Variants in BRF1 observed in about 807,000 individuals in gnomAD.
BRF1 encodes the protein BRF1 general transcription factor IIIB subunit, also known as transcription factor IIIB 90 kDa subunit.
BRF1 carries 59 observed loss-of-function variants against 81.7 expected under a neutral mutation model. That is an observed-to-expected ratio of 0.72 (90% CI 0.59 to 0.90). BRF1 has a LOEUF of 0.90. BRF1 is among the 40% of genes least tolerant of loss of function. BRF1 has a pLI of 0.00. For missense variants in BRF1, 1,050 were observed against 936.3 expected (o/e 1.12, Z -1.58); for synonymous variants, 491 against 395.6 (o/e 1.24, Z -2.86).
At position 105,291,641 on chromosome 14, in the gene BRF1, CA is replaced by C. The variant is rs904673012; in HGVS notation, c.185-5266del. Among the ~76,000 whole-genome samples the C allele has an allele frequency of 4.0e-5, 6 of 151,648 alleles. No homozygotes were observed. The South Asian group carries it at 6.2e-4, about 16-fold the overall frequency. ...AGGTTGCAGTGAGCCAAGACTCTGT[CA>C]AAAAAAAATTTTTTTTTAACTGGAG... is the stretch of plus-strand genomic sequence containing the variant. On this transcript the variant is annotated intron_variant, in intron 1 of 17. Transcript: ENST00000547530.
chr14:105,257,394 G>C (rs2055932303), intron 3 of BRF1, among the ~76,000 whole-genome samples: 1 of 152,186 alleles, frequency 6.6e-6, no homozygotes, highest in African/African-American at 2.4e-5. Context: ...CAAGCAATCA[G>C]ATGGTTAGGA....
At chr14:105,310,682 C>A (rs1228774748) in intron 1 of BRF1, among the ~76,000 whole-genome samples, 1 of 152,144 alleles carries the variant, frequency 6.6e-6, no homozygotes, top group South Asian at 2.1e-4. Context: ...AGCCAGATGG[C>A]GCCCGGCTCT....
intron 3 of BRF1, among the ~76,000 whole-genome samples, chr14:105,257,284 C>T (rs891229330): frequency 3.3e-5 from 5 of 152,202 alleles, no homozygotes; most frequent in Admixed American, 3.3e-4. Flanking sequence ...CGAGAAGTCA[C>T]TAAGGACACC....
chr14:105,220,171 C>T (rs765556299), intron 11 of BRF1, 41 bp from the exon 12 acceptor site: 1 of 1,611,706 alleles, frequency 6.2e-7, no homozygotes, highest in Non-Finnish European at 8.5e-7. Context: ...AGGGCCAGCA[C>T]TGATTATAGG....
chr14:105,267,501 G>A (rs1200786123), intron 3 of BRF1, among the ~76,000 whole-genome samples: 2 of 151,598 alleles, frequency 1.3e-5, no homozygotes, highest in African/African-American at 2.4e-5. Context: ...TTGTAGAGAC[G>A]GGGTTTCACC....
chr14:105,210,848 G>A lies in BRF1; in HGVS notation c.1997-260C>T, dbSNP rs10149852. Among the ~76,000 whole-genome samples the A allele has an allele frequency of 0.016, 2,361 of 152,276 alleles. 54 individuals are homozygous for A. Among genetic ancestry groups the A allele is most frequent in the African/African-American group, 0.054 (2,262 of 41,526 alleles). ...CTCAGCCTCCCTCCCTGGGTGTGCA[G>A]GTCCGTGGTGGTGTGCAGATCCGGG... is the stretch of plus-strand genomic sequence containing the variant. On this transcript the variant is annotated intron_variant, in intron 17 of 17. Coordinates refer to ENST00000547530, the MANE Select transcript of BRF1 (RefSeq NM_001519.4). The surrounding 1 kb of genome is among the most constrained non-coding windows in gnomAD (Gnocchi z 4.7).
At chr14:105,229,828 G>A (rs60791034) in intron 6 of BRF1, among the ~76,000 whole-genome samples, 1 of 1,180 alleles carries the variant, frequency 8.5e-4, no homozygotes, top group Admixed American at 7.5e-3. Flanking sequence ...CACTGTCCGC[G>A]TAGTCGCCCA....
chr14:105,273,454 A>T (rs1030690105), intron 2 of BRF1, among the ~76,000 whole-genome samples: 4 of 152,182 alleles, frequency 2.6e-5, no homozygotes, highest in African/African-American at 4.8e-5. Context: ...ACCTGCCCAG[A>T]GGGAGGGCCA....
At chr14:105,225,824 T>G (rs951529724) in intron 10 of BRF1, among the ~76,000 whole-genome samples, 1 of 152,154 alleles carries the variant, frequency 6.6e-6, no homozygotes, top group Admixed American at 6.5e-5. Context: ...ATTTTTGCAT[T>G]TGTAGTAGAG....
chr14:105,226,540 A>G, intron 8 of BRF1, 94 bp downstream of exon 8: 1 of 1,578,850 alleles, frequency 6.3e-7, no homozygotes, highest in Non-Finnish European at 8.6e-7. Flanking sequence ...AGGCTTTGGG[A>G]TGGCACCAGC....
At chr14:105,247,606 G>A (rs1303891873) in intron 5 of BRF1, 2 of 985,294 alleles carry the variant, frequency 2.0e-6, no homozygotes, top group Non-Finnish European at 2.4e-6. Flanking sequence ...CAGAGCTCCT[G>A]TTCACTGTTT....
At chr14:105,260,386 T>TTC (rs1555386563) in intron 3 of BRF1, among the ~76,000 whole-genome samples, 17 of 152,100 alleles carry the variant, frequency 1.1e-4, no homozygotes, top group African/African-American at 4.1e-4. Flanking sequence ...TTTTTTTTTT[T>TTC]CCCGAGATGA....
intron 3 of BRF1, among the ~76,000 whole-genome samples, chr14:105,257,738 C>T (rs1318872713): frequency 6.6e-6 from 1 of 152,158 alleles, no homozygotes; most frequent in African/African-American, 2.4e-5. Flanking sequence ...TAAGAACTAC[C>T]TGGGGAAACG....
chr14:105,314,828 GCCGCCGCCCTCCGCGCGCCCGGCCCGC>G (rs1303731969), intron 1 of BRF1: 3 of 397,840 alleles, frequency 7.5e-6, no homozygotes, highest in Non-Finnish European at 1.0e-5. Flanking sequence ...ATGTGACCGC[GCCGCCGCCCTCCGCGCGCCCGGCCCGC>G]CCGCCGCGCG....
At chr14:105,267,725 G>A (rs1397474003) in intron 3 of BRF1, among the ~76,000 whole-genome samples, 1 of 152,224 alleles carries the variant, frequency 6.6e-6, no homozygotes, top group Admixed American at 6.5e-5. Context: ...CTGTCCTTGA[G>A]AAGGCAGCAG....
At chr14:105,217,855 C>A (rs1595262929) in intron 14 of BRF1, 55 bp from the exon 15 acceptor site, 1 of 1,586,992 alleles carries the variant, frequency 6.3e-7, no homozygotes, top group East Asian at 2.2e-5. Context: ...TGCACTCCAC[C>A]ATCAGGGGCT....
At chr14:105,241,453 G>T (rs760580105) in intron 5 of BRF1, 39 bp from the exon 6 acceptor site, 1 of 1,605,660 alleles carries the variant, frequency 6.2e-7, no homozygotes, top group Admixed American at 1.7e-5. Context: ...ACCTCCATGT[G>T]CCATGGCACG....
At chr14:105,281,259 C>G (rs1448718482) in intron 2 of BRF1, among the ~76,000 whole-genome samples, 1 of 135,428 alleles carries the variant, frequency 7.4e-6, no homozygotes, top group African/African-American at 2.9e-5. Flanking sequence ...ATACAGCCTG[C>G]GTGACCCTGA....
intron 5 of BRF1, chr14:105,241,868 C>T (rs587715236): frequency 9.4e-6 from 2 of 212,610 alleles, no homozygotes; most frequent in South Asian, 7.6e-5. Flanking sequence ...TCTGGCATCT[C>T]TACCAGCATG....
Sources: gnomAD v4.1 joint callset for allele counts (sites outside exome capture counted in the v4.1 genomes callset) on GRCh38, gnomAD v4.1.1 for gene constraint, Gnocchi (gnomAD v3.1) non-coding constraint, MANE v1.5 for transcripts, NCBI Gene and HGNC (gene_info 2026-07-23, HGNC 2026-07-21) for gene names.